ZNF208: variants seen among roughly 807,000 people sequenced by gnomAD.
ZNF208 encodes zinc finger protein 208, also known as zinc finger protein 95.
Under a neutral mutation model 12.1 loss-of-function variants are expected in ZNF208, and 10 were observed. That is an observed-to-expected ratio of 0.83 (90% CI 0.51 to 1.40). ZNF208 has a LOEUF of 1.40. ZNF208 is among the 40% of genes most tolerant of loss of function. ZNF208 has a pLI of 0.00. For missense variants in ZNF208, 1,652 were observed against 1,485.0 expected, an observed-to-expected ratio of 1.11 and a Z score of -1.85; for synonymous variants, 497 against 488.4, an observed-to-expected ratio of 1.02 and a Z score of -0.23.
intron 4 of ZNF208, among the ~76,000 whole-genome samples, chr19:21,949,390 A>C (rs2145514910): frequency 6.6e-6 from 1 of 152,320 alleles, no homozygotes; most frequent in South Asian, 2.1e-4. Context: ...TCTAGTCAGA[A>C]GATACAAGAA....
intron 3 of ZNF208, among the ~76,000 whole-genome samples, chr19:21,981,552 C>T (rs1165175510): frequency 2.6e-5 from 4 of 152,092 alleles, no homozygotes; most frequent in East Asian, 1.9e-4. Context: ...ATAGATGGAA[C>T]GTATCTCAAA....
At chr19:21,946,766 C>T (rs1366071499) in intron 4 of ZNF208, among the ~76,000 whole-genome samples, 2 of 152,108 alleles carry the variant, frequency 1.3e-5, no homozygotes, top group Non-Finnish European at 2.9e-5. Context: ...AAAACATTGG[C>T]TCTGTTCTAA....
intron 3 of ZNF208, among the ~76,000 whole-genome samples, chr19:21,983,401 G>A (rs1446218437): frequency 6.6e-6 from 1 of 152,144 alleles, no homozygotes; most frequent in Non-Finnish European, 1.5e-5. Flanking sequence ...TACACTGCTG[G>A]TTGGAGTGTA....
Position 21,971,900 on chromosome 19 carries a change from G to A in ZNF208, c.3134C>T (p.Thr1045Ile), listed in dbSNP as rs370891830. ...DKAFSWPSSL[T>I]EHKATHAGEK... ...TCCAGCATGAGTTGCCTTATGTTCA[G>A]TAAGGCTTGAGGGCCAGCTGAAGGC... Residue 1045 changes from threonine (T) to isoleucine (I), a missense_variant, in exon 4 of 4, where the codon ACT becomes ATT. By Grantham distance (89) the Thr-to-Ile change is moderately conservative. Around this residue, in one of 3 missense-constraint regions of ZNF208, gnomAD observed 1,239 missense variants for 1,086.2 expected, o/e 1.14. Coordinates refer to ENST00000397126, the MANE Select transcript of ZNF208 (RefSeq NM_007153.3). The A allele has an allele frequency of 2.0e-6, 3 of 1,527,928 alleles. No individual in the cohort carries two copies. The highest frequency in any genetic ancestry group is 2.8e-5 in the African/African-American group (2 of 71,586). The allele number at this position is 1,527,928 out of a possible 1,614,324, so 94.6% of individuals were successfully genotyped here.
downstream of ZNF208, chr19:21,965,761 A>G (rs1388887447): frequency 6.6e-6 from 1 of 151,700 alleles, no homozygotes; most frequent in Non-Finnish European, 1.5e-5. Context: ...GTAATTTAGC[A>G]TAATTTTTAG....
intron 1 of ZNF208, among the ~76,000 whole-genome samples, chr19:22,003,266 C>T (rs1970985833): frequency 6.6e-6 from 1 of 152,080 alleles, no homozygotes; most frequent in African/African-American, 2.4e-5. Flanking sequence ...CCATTCTAGA[C>T]ATAGAAACTG....
chr19:21,985,492 C>G (rs894097803), intron 3 of ZNF208, among the ~76,000 whole-genome samples: 2 of 152,142 alleles, frequency 1.3e-5, no homozygotes, highest in South Asian at 4.1e-4. Flanking sequence ...TGAGGAGCAC[C>G]CTTTTCAGCA....
At position 21,973,763 on chromosome 19, in the gene ZNF208, G is replaced by A. The variant is rs763015994; in HGVS notation, c.1271C>T (p.Pro424Leu). The A allele has an allele frequency of 1.2e-6, 2 of 1,605,996 alleles. No homozygotes were observed. Among genetic ancestry groups the A allele is most frequent in the South Asian group, 1.1e-5 (1 of 90,762 alleles). Residue 424 changes from proline to leucine, a missense_variant, in exon 4 of 4, where the codon CCC (proline) becomes CTC (leucine). Transcript: ENST00000397126. ...KHEVIHTGEK[P>L]YKCEECGKAF... Reference sequence around the variant, plus strand: ...TTTGCCACATTCTTCACATTTGTAGGGTTTCTCTCCAGTATGAATGACCTC... The same window carrying A: ...TTTGCCACATTCTTCACATTTGTAGAGTTTCTCTCCAGTATGAATGACCTC...
chr19:21,964,775 A>G (rs1265660690), downstream of ZNF208, among the ~76,000 whole-genome samples: 1 of 151,864 alleles, frequency 6.6e-6, no homozygotes, highest in Non-Finnish European at 1.5e-5. Context: ...AGAAATGCTA[A>G]TATAAGAATA....
intron 4 of ZNF208, among the ~76,000 whole-genome samples, chr19:21,950,401 T>G (rs1455191304): frequency 6.6e-6 from 1 of 152,092 alleles, no homozygotes; most frequent in African/African-American, 2.4e-5. Flanking sequence ...ACCCCTAGAA[T>G]TAAAAGTAAT....
chr19:22,001,217 G>A (rs571286889), intron 1 of ZNF208, among the ~76,000 whole-genome samples: 54 of 152,154 alleles, frequency 3.5e-4, no homozygotes, highest in African/African-American at 1.0e-3. Flanking sequence ...CCTGGGAGGC[G>A]GAGGTTGCGG....
chr19:21,973,721 G>A lies in ZNF208; in HGVS notation c.1313C>T (p.Ser438Leu), dbSNP rs1213628395. ...AATTTTCTTATGTTCCATAAGGTTTGAGGACCAGTTGAAAGCTTTGCCACA... is the reference window on the plus strand; with the variant it reads ...AATTTTCTTATGTTCCATAAGGTTTAAGGACCAGTTGAAAGCTTTGCCACA... ...EECGKAFNWSSNLMEHKKIHT... is the reference protein window; with the variant it reads ...EECGKAFNWSLNLMEHKKIHT... The change falls in exon 4 of 4, where the codon TCA becomes TTA. Residue 438 changes from serine to leucine, a missense_variant. Coordinates refer to ENST00000397126, the MANE Select transcript of ZNF208 (RefSeq NM_007153.3). 6.2e-7 allele frequency: 1 copy of A among 1,610,692 alleles called. No individual in the cohort carries two copies. Among genetic ancestry groups the A allele is most frequent in the South Asian group, 1.1e-5 (1 of 90,926 alleles).
chr19:22,000,902 T>C (rs1970933687), intron 1 of ZNF208, among the ~76,000 whole-genome samples: 1 of 152,142 alleles, frequency 6.6e-6, no homozygotes, highest in Non-Finnish European at 1.5e-5. Flanking sequence ...AAGTCTGCTA[T>C]GCATATAAAC....
chr19:21,972,250 C>G lies in ZNF208; in HGVS notation c.2784G>C (p.Trp928Cys), dbSNP rs1443601191. 15 of 1,613,454 alleles carry G rather than the reference C, an allele frequency of 9.3e-6. No homozygotes were observed. Among genetic ancestry groups the G allele is most frequent in the African/African-American group, 4.0e-5 (3 of 74,884 alleles). The stretch of plus-strand genomic sequence containing the variant: ...TCTTATGTTTACTAAAGACTGACAA[C>G]CAGCTGAAGGCTTTGCCACATTCTT... ...KCEECGKAFS[W>C]LSVFSKHKKT... The change falls in exon 4 of 4, where the codon TGG (tryptophan) becomes TGC (cysteine). Residue 928 changes from tryptophan to cysteine, a missense_variant. Physicochemically the swap from Trp to Cys is radical, Grantham distance 215. Around this residue, in one of 3 missense-constraint regions of ZNF208, gnomAD observed 1,239 missense variants for 1,086.2 expected, o/e 1.14. Coordinates refer to ENST00000397126, the MANE Select transcript of ZNF208 (RefSeq NM_007153.3).
At chr19:21,941,567 G>T (rs1969742262) in intron 4 of ZNF208, 3 of 385,398 alleles carry the variant, frequency 7.8e-6, no homozygotes, top group East Asian at 7.2e-5. Flanking sequence ...AAAGTGTCAT[G>T]CTTTAGCTTT....
At chr19:21,956,625 G>A (rs530018089) in intron 4 of ZNF208, among the ~76,000 whole-genome samples, 1 of 152,328 alleles carries the variant, frequency 6.6e-6, no homozygotes, top group South Asian at 2.1e-4. Context: ...TTGGGCATGG[G>A]ACCCTGTGAG....
At chr19:21,941,487 T>C in intron 4 of ZNF208, 1 of 398,542 alleles carries the variant, frequency 2.5e-6, no homozygotes, top group Non-Finnish European at 4.4e-6. Flanking sequence ...ATTTCCTGTT[T>C]ATTCCTAAAT....
intron 1 of ZNF208, among the ~76,000 whole-genome samples, chr19:22,003,110 A>G (rs1970982550): frequency 6.6e-6 from 1 of 152,206 alleles, no homozygotes; most frequent in Non-Finnish European, 1.5e-5. Flanking sequence ...TTTCCTATTT[A>G]ATAAATGGTG....
chr19:21,980,212 C>G (rs117638181), intron 3 of ZNF208, among the ~76,000 whole-genome samples: 24,478 of 152,060 alleles, frequency 0.16, 2,146 homozygotes, highest in Middle Eastern at 0.2. Context: ...GAACTCAGCT[C>G]TGGACCAAGC....
Sources: gnomAD v4.1 joint callset for allele counts (sites outside exome capture counted in the v4.1 genomes callset) on GRCh38, gnomAD v4.1.1 for gene constraint, gnomAD v4.1.1 regional missense constraint, MANE v1.5 for transcripts, NCBI Gene and HGNC (gene_info 2026-07-23, HGNC 2026-07-21) for gene names.